Variants in NUTM2E observed in about 807,000 individuals in gnomAD.
NUTM2E encodes family with sequence similarity 22, member E.
Under a neutral mutation model 26.1 loss-of-function variants are expected in NUTM2E, and 3 were observed. The observed-to-expected ratio is 0.12, with a 90% CI of 0.05 to 0.30. NUTM2E has a LOEUF of 0.30. Ranked by LOEUF, NUTM2E falls within the 10% of genes least tolerant of loss-of-function variation. The pLI, the probability that NUTM2E is intolerant of heterozygous loss-of-function variation, is 1.00. For synonymous variants in NUTM2E, 13 were observed against 157.5 expected (o/e 0.08, Z 6.87); for missense variants, 62 against 381.3 (o/e 0.16, Z 6.97).
At chr10:79,833,902 A>G (rs369347445) in intron 1 of NUTM2E, among the ~76,000 whole-genome samples, 9 of 151,912 alleles carry the variant, frequency 5.9e-5, no homozygotes, top group Non-Finnish European at 2.9e-5. Context: ...CTATAAAGAC[A>G]TATGCACATG....
At chr10:79,832,298 A>T (rs188464842) in intron 1 of NUTM2E, among the ~76,000 whole-genome samples, 1 of 151,438 alleles carries the variant, frequency 6.6e-6, no homozygotes, top group African/African-American at 2.4e-5. Context: ...TATCTGGGAG[A>T]TGTCTATGTG....
At chr10:79,838,688 C>A (rs1841979602) in intron 2 of NUTM2E, among the ~76,000 whole-genome samples, 92 bp from the exon 3 acceptor site, 1 of 151,908 alleles carries the variant, frequency 6.6e-6, no homozygotes, top group African/African-American at 2.4e-5. Context: ...CTGCTCTGGT[C>A]ACAATGTGGG....
chr10:79,827,110 G>A lies in NUTM2E; in HGVS notation c.-2975G>A, dbSNP rs2767163. On this transcript the variant is annotated 5_prime_UTR_variant, in exon 1 of 10. Transcript: ENST00000429984. The stretch of plus-strand genomic sequence containing the variant: ...CGGCGAGGTGCGCGGGGTTCGGTGC[G>A]AGCCCCTCGCCCCTGGCCGGGCCAG... 1 of 152,354 alleles carries A rather than the reference G, an allele frequency of 6.6e-6. No homozygotes were observed. Among genetic ancestry groups the A allele is most frequent in the Non-Finnish European group, 1.5e-5 (1 of 67,918 alleles). The allele number at this position is 152,354 out of a possible 1,614,324, so 9.4% of individuals were successfully genotyped here.
intron 1 of NUTM2E, among the ~76,000 whole-genome samples, chr10:79,827,911 A>G (rs1247552410): frequency 1.3e-5 from 2 of 149,676 alleles, no homozygotes; most frequent in African/African-American, 2.5e-5. Context: ...CTCCTACCTC[A>G]GCCTCCCAAG....
intron 1 of NUTM2E, among the ~76,000 whole-genome samples, chr10:79,829,776 A>G (rs1272946629): frequency 2.0e-5 from 3 of 151,700 alleles, no homozygotes; most frequent in African/African-American, 7.3e-5. Context: ...AAAGAAAGTG[A>G]CTAGAATGTA....
chr10:79,847,660 A>AG (rs1842029608), intron 6 of NUTM2E, among the ~76,000 whole-genome samples: 1 of 60,616 alleles, frequency 1.6e-5, no homozygotes, highest in African/African-American at 5.8e-5. Flanking sequence ...AACCTGGAGG[A>AG]GGGGTCCCCC....
chr10:79,829,234 G>C (rs1363196283), intron 1 of NUTM2E, among the ~76,000 whole-genome samples: 1 of 151,558 alleles, frequency 6.6e-6, no homozygotes, highest in Non-Finnish European at 1.5e-5. Flanking sequence ...TTCCACAGGG[G>C]CTGAGCCAGG....
rs1212536056 is a variant in NUTM2E, at chr10:79,839,087, G to A, written c.-2142G>A. ...ATGACCGTGCCTCTGAGAAACCAGCGCGTCCGCAACGATCACTCCTAATTT... is the reference window on the plus strand; with the variant it reads ...ATGACCGTGCCTCTGAGAAACCAGCACGTCCGCAACGATCACTCCTAATTT... On this transcript the variant is annotated 5_prime_UTR_variant, in exon 3 of 10. Coordinates refer to ENST00000429984, the MANE Select transcript of NUTM2E (RefSeq NM_001355263.2). Among the ~76,000 whole-genome samples, 7 of 151,314 alleles carry A rather than the reference G, an allele frequency of 4.6e-5. No individual in the cohort carries two copies. In the South Asian group the frequency reaches 6.3e-4, roughly 14 times the overall value.
At chr10:79,836,329 T>C (rs1433475370) in intron 1 of NUTM2E, among the ~76,000 whole-genome samples, 1 of 151,800 alleles carries the variant, frequency 6.6e-6, no homozygotes, top group East Asian at 1.9e-4. Flanking sequence ...TATAGTACTT[T>C]GGGTTTGTCT....
At chr10:79,827,484 A>T (rs1480224038) in intron 1 of NUTM2E, 127 bp downstream of exon 1, 9 of 151,114 alleles carry the variant, frequency 6.0e-5, no homozygotes, top group Non-Finnish European at 1.2e-4. Context: ...TATGGCTAAA[A>T]TAAACTGCTA....
chr10:79,836,289 A>G (rs1308329978), intron 1 of NUTM2E, among the ~76,000 whole-genome samples: 1 of 151,936 alleles, frequency 6.6e-6, no homozygotes, highest in Non-Finnish European at 1.5e-5. Flanking sequence ...TCACTGATTA[A>G]AAACAAAATA....
intron 1 of NUTM2E, among the ~76,000 whole-genome samples, chr10:79,831,648 A>G (rs966591161): frequency 1.3e-5 from 2 of 151,922 alleles, no homozygotes; most frequent in Non-Finnish European, 2.9e-5. Flanking sequence ...CCCATTATAC[A>G]TCGGGCTTTT....
At chr10:79,838,148 C>T (rs985967203) in intron 1 of NUTM2E, among the ~76,000 whole-genome samples, 161 bp from the exon 2 acceptor site, 8 of 150,676 alleles carry the variant, frequency 5.3e-5, no homozygotes, top group African/African-American at 1.9e-4. Context: ...AAACCTATGG[C>T]TTTACTGCAT....
At chr10:79,836,094 A>C (rs922136912) in intron 1 of NUTM2E, among the ~76,000 whole-genome samples, 4 of 151,362 alleles carry the variant, frequency 2.6e-5, no homozygotes, top group Admixed American at 6.6e-5. Context: ...GTTTTCTACA[A>C]ATTAGCTCTC....
chr10:79,839,496 C>T (rs1316647711), intron 3 of NUTM2E, among the ~76,000 whole-genome samples, 132 bp from the exon 4 acceptor site: 68 of 151,688 alleles, frequency 4.5e-4, no homozygotes, highest in Admixed American at 2.8e-3. Context: ...ACGCTCCCCA[C>T]CCCTGACTCT....
chr10:79,839,738 G>A lies in NUTM2E; in HGVS notation c.-2003G>A, dbSNP rs534890566. Among the ~76,000 whole-genome samples the A allele has an allele frequency of 8.6e-5, 13 of 151,564 alleles. 1 individual carries two copies. The South Asian group carries it at 1.9e-3, about 22-fold the overall frequency. ...GCTCTGCAGGACACAGCATGGAGCC[G>A]CCATTCCTCTACTGGGTGGAGGAGC... is the stretch of plus-strand genomic sequence containing the variant. On this transcript the variant is annotated 5_prime_UTR_variant, in exon 4 of 10. Coordinates refer to ENST00000429984, the MANE Select transcript of NUTM2E (RefSeq NM_001355263.2).
At chr10:79,836,409 A>T (rs1244568487) in intron 1 of NUTM2E, among the ~76,000 whole-genome samples, 1 of 151,954 alleles carries the variant, frequency 6.6e-6, no homozygotes, top group African/African-American at 2.4e-5. Context: ...ATCTATGTAC[A>T]TGCAACTGAA....
intron 1 of NUTM2E, 68 bp downstream of exon 1, chr10:79,827,425 TACAG>T (rs1222681892): frequency 6.6e-6 from 1 of 151,648 alleles, no homozygotes; most frequent in African/African-American, 2.4e-5. Context: ...TATTTTTAAT[TACAG>T]ATAGGATTAC....
At chr10:79,848,981 A>G (rs1842037130) in intron 8 of NUTM2E, 86 bp downstream of exon 8, 1 of 578,064 alleles carries the variant, frequency 1.7e-6, no homozygotes, top group African/African-American at 2.0e-5. Context: ...TTCCTTAGCT[A>G]CTCAGCAGTG....
Sources: allele counts gnomAD v4.1 joint callset (sites outside exome capture counted in the v4.1 genomes callset), GRCh38; gene constraint gnomAD v4.1.1; transcripts MANE v1.5; gene names NCBI Gene and HGNC (gene_info 2026-07-23, HGNC 2026-07-21).